Variants in ZRANB3 observed in about 807,000 individuals in gnomAD.
ZRANB3 encodes zinc finger RANBP2-type containing 3, also known as DNA annealing helicase and endonuclease ZRANB3.
In ZRANB3, 125 loss-of-function variants were observed where a neutral mutation model predicts 133.8. The ratio of observed to expected loss-of-function variants is 0.93; its 90% CI spans 0.81 to 1.08. ZRANB3 has a LOEUF of 1.08. Among genes scored for constraint, ZRANB3 ranks in the 50% least tolerant of loss-of-function variants. ZRANB3 has a pLI of 0.00. For synonymous variants in ZRANB3, 387 were observed against 432.7 expected (o/e 0.89, Z 1.31); for missense variants, 1,229 against 1,275.5 (o/e 0.96, Z 0.56).
chr2:135,462,741 C>CGT (rs1465541090), intron 2 of ZRANB3, among the ~76,000 whole-genome samples: 1 of 151,944 alleles, frequency 6.6e-6, no homozygotes, highest in African/African-American at 2.4e-5. Flanking sequence ...TACAGGTGCC[C>CGT]ACCATCACAC....
At chr2:135,320,848 A>G (rs1573905301) in intron 6 of ZRANB3, among the ~76,000 whole-genome samples, 1 of 152,148 alleles carries the variant, frequency 6.6e-6, no homozygotes, top group African/African-American at 2.4e-5. Flanking sequence ...TTTTTGCCTT[A>G]GCAGTTCTGC....
intron 8 of ZRANB3, among the ~76,000 whole-genome samples, chr2:135,302,702 T>A (rs1284976082): frequency 2.6e-5 from 4 of 152,150 alleles, no homozygotes; most frequent in Non-Finnish European, 5.9e-5. Flanking sequence ...ATTTTTGTAT[T>A]TTTAGTAGAG....
At chr2:135,359,499 C>G (rs1303397272) in intron 3 of ZRANB3, among the ~76,000 whole-genome samples, 1 of 150,344 alleles carries the variant, frequency 6.7e-6, no homozygotes, top group Non-Finnish European at 1.5e-5. Flanking sequence ...GGGAGGACTG[C>G]TTGAGTCCAG....
chr2:135,262,248 G>A (rs1486237278), intron 12 of ZRANB3, among the ~76,000 whole-genome samples: 6 of 150,614 alleles, frequency 4.0e-5, no homozygotes, highest in Admixed American at 1.3e-4. Context: ...AATATTTGAC[G>A]GAATTACATT....
At chr2:135,311,552 T>G (rs1226179504) in intron 8 of ZRANB3, among the ~76,000 whole-genome samples, 1 of 151,420 alleles carries the variant, frequency 6.6e-6, no homozygotes, top group African/African-American at 2.4e-5. Context: ...AACAGAAATA[T>G]TCCAAATGTC....
At chr2:135,339,569 A>G (rs1466266282) in intron 6 of ZRANB3, among the ~76,000 whole-genome samples, 1 of 152,212 alleles carries the variant, frequency 6.6e-6, no homozygotes, top group African/African-American at 2.4e-5. Context: ...GTGACAAAGC[A>G]AGACCCTGTC....
intron 12 of ZRANB3, among the ~76,000 whole-genome samples, chr2:135,248,193 A>G (rs528579198): frequency 6.6e-6 from 1 of 152,208 alleles, no homozygotes; most frequent in South Asian, 2.1e-4. Context: ...AGACTGTTAC[A>G]TGGGTGCCCA....
intron 12 of ZRANB3, among the ~76,000 whole-genome samples, chr2:135,238,569 G>T (rs1183944305): frequency 2.0e-5 from 3 of 152,170 alleles, no homozygotes; most frequent in African/African-American, 7.2e-5. Flanking sequence ...TCACCTGGTT[G>T]CCCAGGTGGG....
In ZRANB3 at chr2:135,378,396, G is replaced by A. The variant is rs886798078; in HGVS notation, c.180+12406C>T. 3.9e-5 allele frequency among the ~76,000 whole-genome samples: 6 copies of A among 152,018 alleles called. No individual in the cohort carries two copies. The East Asian group carries it at 1.2e-3, about 29-fold the overall frequency. ...TAATCCCAACTACTCAGGAGGCTGAGGCAGGAGAATTGCTTGAACCCGGGA... is the reference window on the plus strand; with the variant it reads ...TAATCCCAACTACTCAGGAGGCTGAAGCAGGAGAATTGCTTGAACCCGGGA... On this transcript the variant is annotated intron_variant, in intron 3 of 20. Transcript: ENST00000264159.
At chr2:135,505,941 G>C (rs934907293) in intron 1 of ZRANB3, among the ~76,000 whole-genome samples, 1 of 152,206 alleles carries the variant, frequency 6.6e-6, no homozygotes, top group Non-Finnish European at 1.5e-5. Context: ...GGCTGACCAA[G>C]AGTGGCCTGT....
intron 1 of ZRANB3, among the ~76,000 whole-genome samples, chr2:135,514,236 T>C (rs943292722): frequency 6.6e-6 from 1 of 152,226 alleles, no homozygotes; most frequent in Admixed American, 6.5e-5. Flanking sequence ...TTGGGCAATA[T>C]GGCCACTTTC....
chr2:135,365,066 G>A (rs1379507031), intron 3 of ZRANB3, among the ~76,000 whole-genome samples: 1 of 150,562 alleles, frequency 6.6e-6, no homozygotes, highest in Non-Finnish European at 1.5e-5. Flanking sequence ...TAAATAAAAT[G>A]AAATAAAAAT....
chr2:135,401,232 T>G (rs1687716461), intron 2 of ZRANB3, among the ~76,000 whole-genome samples: 1 of 152,158 alleles, frequency 6.6e-6, no homozygotes, highest in Admixed American at 6.5e-5. Flanking sequence ...GCTTTTAAAA[T>G]TTAAACTTTA....
At chr2:135,448,220 T>C (rs1352587259) in intron 2 of ZRANB3, among the ~76,000 whole-genome samples, 3 of 152,252 alleles carry the variant, frequency 2.0e-5, no homozygotes, top group East Asian at 3.8e-4. Context: ...CTAGGCATTA[T>C]GATTCATGAT....
At chr2:135,387,149 G>A (rs1687021008) in intron 3 of ZRANB3, among the ~76,000 whole-genome samples, 1 of 151,534 alleles carries the variant, frequency 6.6e-6, no homozygotes, top group Admixed American at 6.6e-5. Context: ...GTATTCAAGA[G>A]TTTATAAAAA....
chr2:135,495,050 C>T (rs1175517260), intron 2 of ZRANB3, among the ~76,000 whole-genome samples: 1 of 152,056 alleles, frequency 6.6e-6, no homozygotes, highest in East Asian at 1.9e-4. Flanking sequence ...GCCTGTACAA[C>T]ATAGCAGAAC....
intron 17 of ZRANB3, among the ~76,000 whole-genome samples, chr2:135,216,601 A>G (rs1029416258): frequency 7.1e-6 from 1 of 140,834 alleles, no homozygotes; most frequent in Non-Finnish European, 1.6e-5. Flanking sequence ...CACCTGGCTA[A>G]TTTTTTTTTT....
chr2:135,348,643 G>A, intron 5 of ZRANB3, among the ~76,000 whole-genome samples: 1 of 152,070 alleles, frequency 6.6e-6, no homozygotes, highest in Non-Finnish European at 1.5e-5. Context: ...CACCCAGACT[G>A]GAGTGCAATG....
At chr2:135,394,760 CAAT>C (rs1000858147) in intron 2 of ZRANB3, among the ~76,000 whole-genome samples, 13 of 151,626 alleles carry the variant, frequency 8.6e-5, no homozygotes, top group African/African-American at 3.2e-4. Context: ...AGCACTACAA[CAAT>C]GAGAAGTCAA....
Sources: allele counts gnomAD v4.1 joint callset (sites outside exome capture counted in the v4.1 genomes callset), GRCh38; gene constraint gnomAD v4.1.1; transcripts MANE v1.5; gene names NCBI Gene and HGNC (gene_info 2026-07-23, HGNC 2026-07-21).